Variants in LAMA2 observed in about 807,000 individuals in gnomAD.
LAMA2 encodes laminin subunit alpha 2.
Under a neutral mutation model 364.8 loss-of-function variants are expected in LAMA2, and 269 were observed. That is an observed-to-expected ratio of 0.74 (90% CI 0.67 to 0.82). LAMA2 has a LOEUF of 0.82. Among genes scored for constraint, LAMA2 ranks in the 40% least tolerant of loss-of-function variants. The pLI, the probability that LAMA2 is intolerant of heterozygous loss-of-function variation, is 0.00. For synonymous variants in LAMA2, 1,379 were observed against 1,370.6 expected, an observed-to-expected ratio of 1.01 and a Z score of -0.14; for missense variants, 3,807 against 3,873.2, an observed-to-expected ratio of 0.98 and a Z score of 0.45.
chr6:128,913,846 C>T (rs1265672136), intron 1 of LAMA2, among the ~76,000 whole-genome samples: 8 of 152,076 alleles, frequency 5.3e-5, no homozygotes, highest in Admixed American at 3.3e-4. Context: ...AAAGAAAATT[C>T]GTCTGTTATG....
chr6:129,446,956 G>T (rs1376512404), intron 45 of LAMA2, among the ~76,000 whole-genome samples: 1 of 152,134 alleles, frequency 6.6e-6, no homozygotes, highest in Non-Finnish European at 1.5e-5. Context: ...TCAGTGAAAA[G>T]ATCTGAGAAA....
At chr6:129,277,238 A>T (rs1471064231) in intron 17 of LAMA2, among the ~76,000 whole-genome samples, 1 of 152,204 alleles carries the variant, frequency 6.6e-6, no homozygotes, top group African/African-American at 2.4e-5. Flanking sequence ...GTCAATGATG[A>T]TCTCACAATT....
intron 12 of LAMA2, among the ~76,000 whole-genome samples, chr6:129,209,636 G>T (rs542836289): frequency 1.3e-5 from 2 of 152,156 alleles, no homozygotes; most frequent in Non-Finnish European, 2.9e-5. Context: ...TAAAAATCTA[G>T]TTATTGCTAT....
intron 12 of LAMA2, among the ~76,000 whole-genome samples, chr6:129,196,619 T>C (rs1209951249): frequency 6.6e-6 from 1 of 152,148 alleles, no homozygotes. Context: ...CTCAAAATTA[T>C]TCAGAAGTGG....
intron 32 of LAMA2, among the ~76,000 whole-genome samples, chr6:129,364,595 A>G (rs950099880): frequency 6.6e-6 from 1 of 152,194 alleles, no homozygotes; most frequent in Non-Finnish European, 1.5e-5. Flanking sequence ...AATTTTGGAA[A>G]TTATACGACT....
rs79711910 is a variant in LAMA2, at chr6:129,334,655, T to A, written c.4311+6243T>A. On this transcript the variant is annotated intron_variant, in intron 29 of 64. Coordinates refer to ENST00000421865, the MANE Select transcript of LAMA2 (RefSeq NM_000426.4). ...ACAAAATATCATAAACTGGGTAGCT[T>A]ATAAATAACAGAAACTTATTTCCCA... is the stretch of plus-strand genomic sequence containing the variant. Among the ~76,000 whole-genome samples the A allele has an allele frequency of 3.9e-3, 592 of 152,312 alleles. 4 individuals carry two copies. Among genetic ancestry groups the A allele is most frequent in the African/African-American group, 0.013 (545 of 41,572 alleles).
At chr6:129,422,785 C>T (rs1781140824) in intron 40 of LAMA2, among the ~76,000 whole-genome samples, 1 of 152,054 alleles carries the variant, frequency 6.6e-6, no homozygotes, top group African/African-American at 2.4e-5. Context: ...AAATAATAAA[C>T]TCTTTCAGAA....
intron 3 of LAMA2, among the ~76,000 whole-genome samples, chr6:129,076,078 G>A (rs1184782417): frequency 6.6e-6 from 1 of 151,830 alleles, no homozygotes; most frequent in Admixed American, 6.6e-5. Flanking sequence ...AGAGCAAGAC[G>A]CTGTCTCAAA....
intron 1 of LAMA2, among the ~76,000 whole-genome samples, chr6:129,034,109 A>G (rs991753870): frequency 6.6e-6 from 1 of 152,186 alleles, no homozygotes; most frequent in Non-Finnish European, 1.5e-5. Flanking sequence ...GAAGCAGGGT[A>G]TAGTATGAAC....
chr6:128,929,649 C>A (rs1408512462), intron 1 of LAMA2: 22 of 1,418,252 alleles, frequency 1.6e-5, no homozygotes, highest in Non-Finnish European at 2.0e-5. Flanking sequence ...AATAGTGATG[C>A]GGTCTCGGTT....
At chr6:129,512,613 A>C in intron 63 of LAMA2, 120 bp downstream of exon 63, 5 of 1,114,446 alleles carry the variant, frequency 4.5e-6, no homozygotes, top group Non-Finnish European at 6.8e-6. Context: ...GTTGGGAGAA[A>C]GCTAAATTGT....
intron 29 of LAMA2, among the ~76,000 whole-genome samples, chr6:129,334,264 T>C (rs1775820867): frequency 6.6e-6 from 1 of 152,212 alleles, no homozygotes; most frequent in Admixed American, 6.5e-5. Flanking sequence ...TCAGAGTGCC[T>C]TGATTCAAAT....
At chr6:129,279,831 A>T (rs1308383224) in intron 17 of LAMA2, among the ~76,000 whole-genome samples, 1 of 152,174 alleles carries the variant, frequency 6.6e-6, no homozygotes, top group African/African-American at 2.4e-5. Context: ...GTCAGTTAAT[A>T]ACATGTCACA....
intron 49 of LAMA2, among the ~76,000 whole-genome samples, chr6:129,463,452 G>C (rs1392754011): frequency 6.6e-6 from 1 of 151,870 alleles, no homozygotes; most frequent in African/African-American, 2.4e-5. Context: ...GGGATCTACA[G>C]CTCTGTGTTT....
intron 3 of LAMA2, among the ~76,000 whole-genome samples, chr6:129,061,961 G>A (rs1788952752): frequency 6.6e-6 from 1 of 152,182 alleles, no homozygotes; most frequent in African/African-American, 2.4e-5. Flanking sequence ...CTCTAAAAAT[G>A]TAATAAATCC....
chr6:128,992,150 G>A (rs1485034018), intron 1 of LAMA2, among the ~76,000 whole-genome samples: 1 of 152,166 alleles, frequency 6.6e-6, no homozygotes, highest in African/African-American at 2.4e-5. Context: ...TGTGTAATAT[G>A]GTTTGAAATT....
At chr6:129,166,761 C>A (rs1003295040) in intron 9 of LAMA2, among the ~76,000 whole-genome samples, 1 of 151,860 alleles carries the variant, frequency 6.6e-6, no homozygotes, top group African/African-American at 2.4e-5. Context: ...GGAGAGATAC[C>A]ACTATTAACA....
At chr6:129,050,206 T>G in intron 2 of LAMA2, 118 bp downstream of exon 2, 2 of 1,043,676 alleles carry the variant, frequency 1.9e-6, no homozygotes, top group Non-Finnish European at 2.9e-6. Context: ...AGAATTCTTT[T>G]TACCATTAAG....
chr6:129,027,558 A>G (rs924844753), intron 1 of LAMA2, among the ~76,000 whole-genome samples: 1 of 152,012 alleles, frequency 6.6e-6, no homozygotes, highest in Non-Finnish European at 1.5e-5. Context: ...CTACAGACAA[A>G]GAATCAAACA....
Sources: gnomAD v4.1 joint callset for allele counts (sites outside exome capture counted in the v4.1 genomes callset) on GRCh38, gnomAD v4.1.1 for gene constraint, MANE v1.5 for transcripts, NCBI Gene and HGNC (gene_info 2026-07-23, HGNC 2026-07-21) for gene names.